The following METTL24 variants were observed in gnomAD, a reference collection of about 807,000 sequenced individuals.
The protein encoded by METTL24 is methyltransferase like 24, also known as probable methyltransferase-like protein 24.
In METTL24, 29 loss-of-function variants were observed where a neutral mutation model predicts 32.7. The ratio of observed to expected loss-of-function variants is 0.89; its 90% CI spans 0.66 to 1.21. The LOEUF is 1.21. METTL24 is among the 50% of genes most tolerant of loss of function. The pLI is 0.00. For synonymous variants in METTL24, 163 were observed against 179.5 expected (o/e 0.91, Z 0.73); for missense variants, 439 against 468.1 (o/e 0.94, Z 0.57).
At chr6:110,301,651 T>C (rs1436219888) in intron 3 of METTL24, among the ~76,000 whole-genome samples, 1 of 152,158 alleles carries the variant, frequency 6.6e-6, no homozygotes, top group East Asian at 1.9e-4. Flanking sequence ...CTGGATCAAC[T>C]GAAGCCCAGC....
chr6:110,311,138 C>G (rs1186199552), intron 3 of METTL24, among the ~76,000 whole-genome samples: 1 of 152,116 alleles, frequency 6.6e-6, no homozygotes, highest in East Asian at 1.9e-4. Context: ...TCAGGACCAC[C>G]AATTCTGGTC....
intron 1 of METTL24, among the ~76,000 whole-genome samples, chr6:110,355,315 T>A (rs573512427): frequency 6.6e-6 from 1 of 152,108 alleles, no homozygotes; most frequent in South Asian, 2.1e-4. Context: ...GCCTTGCAGG[T>A]AGAGGAGTGA....
intron 4 of METTL24, among the ~76,000 whole-genome samples, chr6:110,282,616 G>A (rs905080587): frequency 2.0e-5 from 3 of 152,058 alleles, no homozygotes; most frequent in Non-Finnish European, 2.9e-5. Flanking sequence ...TGGGCACCAC[G>A]GCCCAATGCC....
chr6:110,276,989 A>T (rs945284959), intron 4 of METTL24, among the ~76,000 whole-genome samples: 1 of 152,164 alleles, frequency 6.6e-6, no homozygotes, highest in African/African-American at 2.4e-5. Flanking sequence ...GGCACTTGGC[A>T]CTCACACAAG....
chr6:110,334,741 A>G (rs1242035744), intron 1 of METTL24, among the ~76,000 whole-genome samples: 1 of 152,214 alleles, frequency 6.6e-6, no homozygotes, highest in Non-Finnish European at 1.5e-5. Flanking sequence ...TGTATTTCTC[A>G]GTTCTCAGCA....
At chr6:110,339,328 G>C (rs926368443) in intron 1 of METTL24, among the ~76,000 whole-genome samples, 2 of 152,146 alleles carry the variant, frequency 1.3e-5, no homozygotes, top group African/African-American at 2.4e-5. Context: ...ACAAGTTATT[G>C]AAATGACATA....
At chr6:110,338,491 C>T (rs1460914943) in intron 1 of METTL24, among the ~76,000 whole-genome samples, 1 of 152,156 alleles carries the variant, frequency 6.6e-6, no homozygotes, top group East Asian at 1.9e-4. Context: ...GAGCAAGATT[C>T]TGTCTCAAAA....
At chr6:110,323,249 A>C (rs1288166638) in intron 1 of METTL24, among the ~76,000 whole-genome samples, 1 of 152,240 alleles carries the variant, frequency 6.6e-6, no homozygotes, top group African/African-American at 2.4e-5. Context: ...TATCGACGAC[A>C]GTCTCCCAAA....
At chr6:110,253,590 C>A (rs144513468) in intron 4 of METTL24, among the ~76,000 whole-genome samples, 1 of 152,156 alleles carries the variant, frequency 6.6e-6, no homozygotes, top group East Asian at 1.9e-4. Context: ...AATACATGGT[C>A]ATTATTTAAA....
chr6:110,268,204 T>C (rs1483560392), intron 4 of METTL24, among the ~76,000 whole-genome samples: 2 of 152,180 alleles, frequency 1.3e-5, no homozygotes, highest in East Asian at 1.9e-4. Context: ...AAAAAGGTCA[T>C]ACAGTTTGTG....
intron 2 of METTL24, among the ~76,000 whole-genome samples, chr6:110,319,464 A>ATAGATAGATAGATAGATGG: frequency 8.4e-6 from 1 of 118,560 alleles, no homozygotes; most frequent in African/African-American, 3.2e-5. Flanking sequence ...TAGATAGATG[A>ATAGATAGATAGATAGATGG]CAGACAGAAA....
At chr6:110,312,242 A>G (rs1208199062) in intron 3 of METTL24, among the ~76,000 whole-genome samples, 1 of 152,214 alleles carries the variant, frequency 6.6e-6, no homozygotes, top group Non-Finnish European at 1.5e-5. Context: ...ACTTTTACAC[A>G]CTGGTTTTGG....
chr6:110,318,435 A>G (rs9487374), intron 2 of METTL24, among the ~76,000 whole-genome samples: 38,256 of 151,920 alleles, frequency 0.25, 8,528 homozygotes, highest in African/African-American at 0.6. Flanking sequence ...ATCACACAAG[A>G]TCAGGAGTTT....
At chr6:110,334,317 T>C (rs567624467) in intron 1 of METTL24, among the ~76,000 whole-genome samples, 21 of 152,192 alleles carry the variant, frequency 1.4e-4, no homozygotes, top group African/African-American at 5.1e-4. Context: ...TTAAAATGCC[T>C]CACCTAGTCA....
Position 110,330,165 on chromosome 6 carries a change from CT to C in METTL24, c.319-7294del, listed in dbSNP as rs1274349850. 7.2e-5 allele frequency among the ~76,000 whole-genome samples: 11 copies of C among 152,202 alleles called. No homozygotes were observed. The South Asian group carries it at 2.3e-3, about 32-fold the overall frequency. On this transcript the variant is annotated intron_variant, in intron 1 of 4. Coordinates refer to ENST00000338882, the MANE Select transcript of METTL24 (RefSeq NM_001123364.3). Reference sequence around the variant, plus strand: ...GTAGAGGAAATCCTCACTTTTCCTCCTTTTTTTTCCTTTCTCCGTTCTTGCA... The same window carrying C: ...GTAGAGGAAATCCTCACTTTTCCTCCTTTTTTTCCTTTCTCCGTTCTTGCA...
intron 1 of METTL24, among the ~76,000 whole-genome samples, chr6:110,326,602 T>C (rs1049632809): frequency 6.6e-6 from 1 of 152,066 alleles, no homozygotes; most frequent in Non-Finnish European, 1.5e-5. Context: ...ACTGGCTAAT[T>C]TGAGAGAATT....
At position 110,256,500 on chromosome 6, in the gene METTL24, G is replaced by A. The variant is rs1361647349; in HGVS notation, c.787-10240C>T. 3.9e-5 allele frequency among the ~76,000 whole-genome samples: 6 copies of A among 152,148 alleles called. No individual in the cohort carries two copies. In the East Asian group the frequency reaches 9.7e-4, roughly 25 times the overall value. ...TTACCTGGGCTGTAAGTTCCTTTAG[G>A]GCAGGAATCTAACTCCTTGTTGGGT... On this transcript the variant is annotated intron_variant, in intron 4 of 4. Coordinates refer to ENST00000338882, the MANE Select transcript of METTL24 (RefSeq NM_001123364.3).
intron 4 of METTL24, among the ~76,000 whole-genome samples, chr6:110,285,682 C>G (rs958657793): frequency 2.6e-5 from 4 of 152,202 alleles, no homozygotes; most frequent in African/African-American, 9.6e-5. Flanking sequence ...CCTTGCAAAT[C>G]TGAGCTGTGC....
At chr6:110,354,831 T>C (rs1294122301) in intron 1 of METTL24, among the ~76,000 whole-genome samples, 1 of 152,240 alleles carries the variant, frequency 6.6e-6, no homozygotes, top group Non-Finnish European at 1.5e-5. Context: ...TCTAGGGATT[T>C]GGGAAGGTTA....
Sources: gnomAD v4.1 joint callset for allele counts (sites outside exome capture counted in the v4.1 genomes callset) on GRCh38, gnomAD v4.1.1 for gene constraint, MANE v1.5 for transcripts, NCBI Gene and HGNC (gene_info 2026-07-23, HGNC 2026-07-21) for gene names.